The following PRKG1 variants were observed in gnomAD, a reference collection of about 807,000 sequenced individuals.
PRKG1 encodes the protein protein kinase cGMP-dependent 1.
Under a neutral mutation model 88.1 loss-of-function variants are expected in PRKG1, and 35 were observed. The observed-to-expected ratio is 0.40, with a 90% CI of 0.30 to 0.53. The LOEUF is 0.53. Ranked by LOEUF, PRKG1 falls within the 20% of genes least tolerant of loss-of-function variation. The pLI, the probability that PRKG1 is intolerant of heterozygous loss-of-function variation, is 0.59. For synonymous variants in PRKG1, 303 were observed against 292.5 expected, an observed-to-expected ratio of 1.04 and a Z score of -0.37; for missense variants, 540 against 839.8, an observed-to-expected ratio of 0.64 and a Z score of 4.41.
chr10:51,112,305 A>G (rs1201822174), intron 1 of PRKG1, among the ~76,000 whole-genome samples: 2 of 152,104 alleles, frequency 1.3e-5, no homozygotes, highest in Admixed American at 6.6e-5. Context: ...TAGTTATACA[A>G]TTTCTCAGCA....
intron 2 of PRKG1, among the ~76,000 whole-genome samples, chr10:51,359,322 T>TA (rs1414303371): frequency 2.0e-5 from 3 of 151,860 alleles, no homozygotes; most frequent in African/African-American, 7.2e-5. Flanking sequence ...TTAGCCACTT[T>TA]AATAGTCCTC....
At chr10:51,158,878 G>A (rs1846286096) in intron 2 of PRKG1, among the ~76,000 whole-genome samples, 1 of 151,882 alleles carries the variant, frequency 6.6e-6, no homozygotes, top group African/African-American at 2.4e-5. Context: ...TTTTAATGGA[G>A]CATTTGTATA....
chr10:51,707,736 G>A (rs113430890), intron 3 of PRKG1, among the ~76,000 whole-genome samples: 70 of 152,264 alleles, frequency 4.6e-4, no homozygotes, highest in African/African-American at 1.6e-3. Flanking sequence ...CCAAGTTACA[G>A]GAAAGAGGCC....
intron 3 of PRKG1, among the ~76,000 whole-genome samples, chr10:51,761,293 A>C (rs1589265434): frequency 6.6e-6 from 1 of 152,372 alleles, no homozygotes; most frequent in East Asian, 1.9e-4. Context: ...TTTAGCTTTC[A>C]ATCAGCTTTG....
chr10:51,498,699 G>T (rs1840935055), intron 3 of PRKG1, among the ~76,000 whole-genome samples: 1 of 152,112 alleles, frequency 6.6e-6, no homozygotes, highest in African/African-American at 2.4e-5. Flanking sequence ...TTTGTCCCTG[G>T]AAGTTTTGGT....
At chr10:51,694,705 T>G (rs1205831552) in intron 3 of PRKG1, among the ~76,000 whole-genome samples, 1 of 151,684 alleles carries the variant, frequency 6.6e-6, no homozygotes, top group Non-Finnish European at 1.5e-5. Context: ...AATTGGTGAT[T>G]TTATTTTAGT....
chr10:51,276,903 C>T (rs1253819974), intron 2 of PRKG1, among the ~76,000 whole-genome samples: 1 of 152,144 alleles, frequency 6.6e-6, no homozygotes, highest in Non-Finnish European at 1.5e-5. Flanking sequence ...TTCTCCCATT[C>T]TGTAGGTTGC....
rs199590113 is a variant in PRKG1, at chr10:51,838,102, GT to G, written c.698+33415del. 7.1e-3 allele frequency among the ~76,000 whole-genome samples: 1,073 copies of G among 152,092 alleles called. 12 individuals are homozygous for G. The highest frequency in any genetic ancestry group is 0.024 in the African/African-American group (1,015 of 41,506). ...TACAATTCATTAAAAAATAGTAATAGTTTAAAACACTTATCAATAAAAAACA... is the reference window on the plus strand; with the variant it reads ...TACAATTCATTAAAAAATAGTAATAGTTAAAACACTTATCAATAAAAAACA... On this transcript the variant is annotated intron_variant, in intron 4 of 17. Coordinates refer to ENST00000373980, the MANE Select transcript of PRKG1 (RefSeq NM_006258.4).
chr10:52,010,236 A>G (rs1353108696), intron 5 of PRKG1, among the ~76,000 whole-genome samples: 1 of 152,216 alleles, frequency 6.6e-6, no homozygotes, highest in African/African-American at 2.4e-5. Flanking sequence ...GTAAACACAC[A>G]GCTTACAGAG....
intron 2 of PRKG1, among the ~76,000 whole-genome samples, chr10:51,460,925 A>G (rs113137506): frequency 0.015 from 2,337 of 152,236 alleles, 12 homozygotes; most frequent in Non-Finnish European, 0.02. Context: ...TTCTTTGTGA[A>G]TATGTATGTA....
At chr10:51,378,364 G>C (rs1196627209) in intron 2 of PRKG1, among the ~76,000 whole-genome samples, 3 of 152,190 alleles carry the variant, frequency 2.0e-5, no homozygotes, top group Admixed American at 2.0e-4. Context: ...GGAAATGGCA[G>C]AGAGATTGAT....
intron 2 of PRKG1, among the ~76,000 whole-genome samples, chr10:51,216,102 T>A (rs1259724943): frequency 2.0e-5 from 3 of 152,194 alleles, no homozygotes; most frequent in Non-Finnish European, 2.9e-5. Context: ...GGACTTGGTA[T>A]AGGACCTGGC....
chr10:51,887,199 G>C (rs1179499060), intron 4 of PRKG1, among the ~76,000 whole-genome samples: 2 of 152,110 alleles, frequency 1.3e-5, no homozygotes, highest in Non-Finnish European at 2.9e-5. Flanking sequence ...TGACCAGGCT[G>C]GCCTCGAACG....
chr10:52,154,963 G>A (rs1475734142), intron 8 of PRKG1, among the ~76,000 whole-genome samples: 1 of 152,092 alleles, frequency 6.6e-6, no homozygotes, highest in Admixed American at 6.6e-5. Flanking sequence ...TGCTGTAAAT[G>A]TCATTATTTC....
chr10:51,184,011 G>T (rs1225048814), intron 2 of PRKG1, among the ~76,000 whole-genome samples: 1 of 152,114 alleles, frequency 6.6e-6, no homozygotes, highest in Non-Finnish European at 1.5e-5. Flanking sequence ...CAATAGATTG[G>T]TTTTGGCTCT....
At chr10:52,115,937 A>G (rs1342686602) in intron 7 of PRKG1, among the ~76,000 whole-genome samples, 2 of 152,166 alleles carry the variant, frequency 1.3e-5, no homozygotes, top group African/African-American at 4.8e-5. Flanking sequence ...GAGCAAGGAA[A>G]TGATTCATGA....
intron 3 of PRKG1, among the ~76,000 whole-genome samples, chr10:51,482,797 T>C (rs1840403242): frequency 6.6e-6 from 1 of 152,128 alleles, no homozygotes; most frequent in South Asian, 2.1e-4. Context: ...AGTTTCATCA[T>C]TCATGAAATA....
Position 52,141,429 on chromosome 10 carries a change from C to T in PRKG1, c.1001+7524C>T, listed in dbSNP as rs538709087. On this transcript the variant is annotated intron_variant, in intron 8 of 17. Transcript: ENST00000373980. The stretch of plus-strand genomic sequence containing the variant: ...TTCATCCTATTTCAAGTCCTTATAG[C>T]AATGATATACAGCATGACTGACTGG... 2.0e-5 allele frequency among the ~76,000 whole-genome samples: 3 copies of T among 152,182 alleles called. No homozygotes were observed. In the East Asian group the frequency reaches 5.8e-4, roughly 29 times the overall value.
chr10:51,975,322 G>T (rs748388222), intron 5 of PRKG1, among the ~76,000 whole-genome samples: 1 of 151,898 alleles, frequency 6.6e-6, no homozygotes, highest in Non-Finnish European at 1.5e-5. Context: ...AGCAGCCTTC[G>T]CATGGTCCAT....
Sources: allele counts gnomAD v4.1 joint callset (sites outside exome capture counted in the v4.1 genomes callset), GRCh38; gene constraint gnomAD v4.1.1; transcripts MANE v1.5; gene names NCBI Gene and HGNC (gene_info 2026-07-23, HGNC 2026-07-21).